NOP53: variants seen among roughly 807,000 people sequenced by gnomAD.
NOP53 encodes the protein NOP53 ribosome biogenesis factor, also known as ribosome biogenesis protein NOP53.
In NOP53, 40 loss-of-function variants were observed where a neutral mutation model predicts 61.0. The ratio of observed to expected loss-of-function variants is 0.66; its 90% CI spans 0.51 to 0.85. The LOEUF is 0.85. Among genes scored for constraint, NOP53 ranks in the 40% least tolerant of loss-of-function variants. The pLI is 0.00. For synonymous variants in NOP53, 308 were observed against 289.5 expected, an observed-to-expected ratio of 1.06 and a Z score of -0.65; for missense variants, 689 against 652.9, an observed-to-expected ratio of 1.06 and a Z score of -0.60.
chr19:47,756,910 A>G (rs1967208564), intron 12 of NOP53, 89 bp from the exon 13 acceptor site: 1 of 1,580,238 alleles, frequency 6.3e-7, no homozygotes, highest in Non-Finnish European at 8.7e-7. Flanking sequence ...AGGGTCCCCA[A>G]AGGGAAACTG....
Position 47,756,722 on chromosome 19 carries a change from A to G in NOP53, c.1408A>G (p.Lys470Glu). 6.2e-7 allele frequency: 1 copy of G among 1,613,560 alleles called. No homozygotes were observed. The highest frequency in any genetic ancestry group is 8.5e-7 in the Non-Finnish European group (1 of 1,179,974). Reference protein sequence around the residue: ...KRKYKVKLVEKRAFREIQL With the variant: ...KRKYKVKLVEERAFREIQL ...CAAGTACAAGGTGAAGCTGGTGGAG[A>G]AGCGGGCGTTCCGTGAGATCCAGTG... Residue 470 changes from lysine (K) to glutamate (E), a missense_variant, in exon 12 of 13, where the codon AAG (lysine) becomes GAG (glutamate). Transcript: ENST00000246802.
At chr19:47,749,483 T>G (rs1967099840) in intron 2 of NOP53, among the ~76,000 whole-genome samples, 1 of 152,166 alleles carries the variant, frequency 6.6e-6, no homozygotes, top group African/African-American at 2.4e-5. Flanking sequence ...ATCCTCATTT[T>G]GGGGGCACGG....
At chr19:47,750,149 C>A in intron 2 of NOP53, 29 bp from the exon 3 acceptor site, 1 of 1,412,328 alleles carries the variant, frequency 7.1e-7, no homozygotes, top group Non-Finnish European at 1.0e-6. Context: ...AGGGCTGAGG[C>A]CTTGACTTGT....
At position 47,754,148 on chromosome 19, in the gene NOP53, A is replaced by C. The variant is rs534051690; in HGVS notation, c.766-379A>C. The stretch of plus-strand genomic sequence containing the variant: ...CAGAATTAGCCGGGTATGGTGGCAC[A>C]TGCCTGTAATAGTAGCTACTCGGGA... On this transcript the variant is annotated intron_variant, in intron 6 of 12. Transcript: ENST00000246802. The surrounding 1 kb of genome is among the most constrained non-coding windows in gnomAD (Gnocchi z 4.2). 2 of 191,514 alleles carry C rather than the reference A, an allele frequency of 1.0e-5. No homozygotes were observed. Among genetic ancestry groups the C allele is most frequent in the East Asian group, 2.7e-4 (2 of 7,534 alleles). The allele number at this position is 191,514 out of a possible 1,614,324, so 11.9% of individuals were successfully genotyped here.
chr19:47,756,668 C>T lies in NOP53; in HGVS notation c.1374-20C>T. 3 of 1,613,918 alleles carry T rather than the reference C, an allele frequency of 1.9e-6. No homozygotes were observed. Among genetic ancestry groups the T allele is most frequent in the Non-Finnish European group, 2.5e-6 (3 of 1,179,922 alleles). ...TGGGATTGGCCCCGGGCACTGATTG[C>T]TCCATTGTCCCTGCTCCAGGTTCAA... On this transcript the variant is annotated intron_variant, in intron 11 of 12. Coordinates refer to ENST00000246802, the MANE Select transcript of NOP53 (RefSeq NM_015710.5).
At position 47,745,570 on chromosome 19, in the gene NOP53, G is replaced by C. The variant is rs774393641; in HGVS notation, c.11G>C (p.Gly4Ala). Residue 4 changes from glycine to alanine, a missense_variant, in exon 1 of 13, where the codon GGA (glycine) becomes GCA (alanine). Transcript: ENST00000246802. Reference sequence around the variant, plus strand: ...TCTTCCTTTGACAAGATGGCGGCAGGAGGCAGTGGCGTTGGTGGGAAGCGC... The same window carrying C: ...TCTTCCTTTGACAAGATGGCGGCAGCAGGCAGTGGCGTTGGTGGGAAGCGC... Reference protein sequence around the residue: MAAGGSGVGGKRSS... With the variant: MAAAGSGVGGKRSS... The C allele has an allele frequency of 8.7e-6, 14 of 1,613,568 alleles. No individual in the cohort carries two copies. The highest frequency in any genetic ancestry group is 3.3e-5 in the Admixed American group (2 of 59,986).
chr19:47,745,618 C>A lies in NOP53; in HGVS notation c.59C>A (p.Ser20Tyr). Residue 20 changes from serine (S) to tyrosine (Y), a missense_variant, in exon 1 of 13, where the codon TCT (serine) becomes TAT (tyrosine). By Grantham distance (144) the Ser-to-Tyr change is moderately radical (BLOSUM62 -2). Transcript: ENST00000246802. ...GKRSSKSDADSGFLGLRPTSV... is the reference protein window; with the variant it reads ...GKRSSKSDADYGFLGLRPTSV... ...CGCAGCTCGAAAAGCGATGCCGATT[C>A]TGGTTTCCTGGGGCTGCGGCCCACT... 6.2e-7 allele frequency: 1 copy of A among 1,614,048 alleles called. No individual in the cohort carries two copies. The highest frequency in any genetic ancestry group is 8.5e-7 in the Non-Finnish European group (1 of 1,180,002).
chr19:47,754,654 C>T lies in NOP53; in HGVS notation c.870+23C>T, dbSNP rs994279164. ...CAGGTGAGCCCCGCACCTGCCCACT[C>T]CCTCCCCTCCCCGGGCCTCCTACCC... is the stretch of plus-strand genomic sequence containing the variant. On this transcript the variant is annotated intron_variant, in intron 7 of 12. Coordinates refer to ENST00000246802, the MANE Select transcript of NOP53 (RefSeq NM_015710.5). This position sits in a 1 kb window ranked among gnomAD's most constrained non-coding sequence, Gnocchi z 4.2. 6.5e-7 allele frequency: 1 copy of T among 1,543,108 alleles called. No individual in the cohort carries two copies.
At chr19:47,747,860 A>AACCTCC (rs1967083180) in intron 2 of NOP53, among the ~76,000 whole-genome samples, 1 of 108,284 alleles carries the variant, frequency 9.2e-6, no homozygotes, top group Admixed American at 1.3e-4. Flanking sequence ...AGCTCACCGC[A>AACCTCC]ACCTCCACCT....
At position 47,754,987 on chromosome 19, in the gene NOP53, C is replaced by T. The variant is rs1967172124; in HGVS notation, c.1053+96C>T. On this transcript the variant is annotated intron_variant, in intron 8 of 12. Transcript: ENST00000246802. The surrounding 1 kb of genome is among the most constrained non-coding windows in gnomAD (Gnocchi z 4.2). Reference sequence around the variant, plus strand: ...TGCCCTGGGTGCTGCGGGCAGCCTGCACACCCCAAGCCCCGCATGTGGCCT... The same window carrying T: ...TGCCCTGGGTGCTGCGGGCAGCCTGTACACCCCAAGCCCCGCATGTGGCCT... 8.6e-7 allele frequency: 1 copy of T among 1,166,010 alleles called. No individual in the cohort carries two copies. The highest frequency in any genetic ancestry group is 1.2e-6 in the Non-Finnish European group (1 of 858,196). 72.2% of individuals were successfully genotyped at this position (1,166,010 alleles called of 1,614,324 possible). A position where few individuals can be genotyped will look rare whatever the true frequency, so the allele number is the denominator to read the frequency against.
chr19:47,754,805 G>C lies in NOP53; in HGVS notation c.967G>C (p.Glu323Gln), dbSNP rs898400959. Residue 323 changes from glutamate (E) to glutamine (Q), a missense_variant, in exon 8 of 13, where the codon GAG (glutamate) becomes CAG (glutamine). Coordinates refer to ENST00000246802, the MANE Select transcript of NOP53 (RefSeq NM_015710.5). The surrounding 1 kb of genome is among the most constrained non-coding windows in gnomAD (Gnocchi z 4.2). The part of the protein sequence containing the change: ...QGEGPEAGDA[E>Q]VCPTPARLAT... ...CGAGGGGCCGGAGGCTGGGGATGCC[G>C]AGGTCTGTCCCACGCCCGCCCGCCT... 1 of 1,535,184 alleles carries C rather than the reference G, an allele frequency of 6.5e-7. No individual in the cohort carries two copies. Among genetic ancestry groups the C allele is most frequent in the Non-Finnish European group, 8.7e-7 (1 of 1,144,520 alleles).
Position 47,749,776 on chromosome 19 carries a change from T to C in NOP53, c.290-402T>C, listed in dbSNP as rs573994510. ...TTTTTTTTCCCCCTGAGATGAGATCTCACTATGTTGCTCAGGCTGGCATCA... is the reference window on the plus strand; with the variant it reads ...TTTTTTTTCCCCCTGAGATGAGATCCCACTATGTTGCTCAGGCTGGCATCA... On this transcript the variant is annotated intron_variant, in intron 2 of 12. Coordinates refer to ENST00000246802, the MANE Select transcript of NOP53 (RefSeq NM_015710.5). 9.2e-5 allele frequency among the ~76,000 whole-genome samples: 14 copies of C among 152,016 alleles called. No homozygotes were observed. The East Asian group carries it at 1.7e-3, about 19-fold the overall frequency.
rs1331447925 is a variant in NOP53 at position 47,745,673 on chromosome 19, G to A, written c.114G>A (p.Arg38=). 1.2e-6 allele frequency: 2 copies of A among 1,613,322 alleles called. No homozygotes were observed. The highest frequency in any genetic ancestry group is 2.7e-5 in the African/African-American group (2 of 74,904). ...TSVDPALRRR[R]RGPRNKKRGW... Reference sequence around the variant, plus strand: ...TGGACCCAGCGCTGAGGCGGCGGCGGCGAGGCCCAAGAAATAAGAAGCGGG... The same window carrying A: ...TGGACCCAGCGCTGAGGCGGCGGCGACGAGGCCCAAGAAATAAGAAGCGGG... The change falls in exon 1 of 13, where the codon CGG becomes CGA. Residue 38 remains arginine (R), a synonymous_variant. Transcript: ENST00000246802.
At chr19:47,746,908 G>A (rs1967071445) in intron 1 of NOP53, 59 bp from the exon 2 acceptor site, 1 of 1,428,528 alleles carries the variant, frequency 7.0e-7, no homozygotes, top group African/African-American at 1.4e-5. Context: ...GGACCTGCCA[G>A]GTTAAATCTC....
In NOP53 at chr19:47,754,226, G is replaced by A. The variant is rs1366862376; in HGVS notation, c.766-301G>A. The A allele has an allele frequency of 2.9e-6, 1 of 348,898 alleles. No individual in the cohort carries two copies. Among genetic ancestry groups the A allele is most frequent in the African/African-American group, 2.1e-5 (1 of 47,730 alleles). 21.6% of individuals were successfully genotyped at this position (348,898 alleles called of 1,614,324 possible). On this transcript the variant is annotated intron_variant, in intron 6 of 12. Transcript: ENST00000246802. This position sits in a 1 kb window ranked among gnomAD's most constrained non-coding sequence, Gnocchi z 4.2. Reference sequence around the variant, plus strand: ...CAGGAGGCGGGGGTTGTGGTGAGCTGAGATCACACCATTGCACTCCAGTCT... The same window carrying A: ...CAGGAGGCGGGGGTTGTGGTGAGCTAAGATCACACCATTGCACTCCAGTCT...
At chr19:47,755,168 A>C (rs547917431) in intron 8 of NOP53, among the ~76,000 whole-genome samples, 180 bp from the exon 9 acceptor site, 218 of 152,210 alleles carry the variant, frequency 1.4e-3, no homozygotes, top group African/African-American at 5.1e-3. Context: ...GAGATGGATG[A>C]CAAAAGGGGC....
Position 47,754,249 on chromosome 19 carries a change from T to G in NOP53, c.766-278T>G. On this transcript the variant is annotated intron_variant, in intron 6 of 12. Coordinates refer to ENST00000246802, the MANE Select transcript of NOP53 (RefSeq NM_015710.5). The surrounding 1 kb of genome is among the most constrained non-coding windows in gnomAD (Gnocchi z 4.2). ...CTGAGATCACACCATTGCACTCCAG[T>G]CTGGGCAACAAGACAGAAACTCTAT... The G allele has an allele frequency of 2.4e-6, 1 of 424,120 alleles. No homozygotes were observed. The highest frequency in any genetic ancestry group is 4.3e-6 in the Non-Finnish European group (1 of 232,838). The allele number at this position is 424,120 out of a possible 1,614,324, so 26.3% of individuals were successfully genotyped here.
In NOP53 at chr19:47,750,932, C is replaced by T. The variant is rs376586593; in HGVS notation, c.423C>T (p.Asn141=). Residue 141 remains asparagine (N), a synonymous_variant, in exon 4 of 13, where the codon AAC becomes AAT. Coordinates refer to ENST00000246802, the MANE Select transcript of NOP53 (RefSeq NM_015710.5). Reference sequence around the variant, plus strand: ...GCGTCCTCGCCCACCAGGTCCCCAACGCCAAGAAGCTCAGGCGGAAGGAGC... The same window carrying T: ...GCGTCCTCGCCCACCAGGTCCCCAATGCCAAGAAGCTCAGGCGGAAGGAGC... ...PKDVLAHQVP[N]AKKLRRKEQL... is the part of the protein sequence containing the mutation. 127 of 1,595,210 alleles carry T rather than the reference C, an allele frequency of 8.0e-5. No individual in the cohort carries two copies. Among genetic ancestry groups the T allele is most frequent in the Admixed American group, 3.4e-4 (19 of 56,594 alleles).
chr19:47,745,568 A>G lies in NOP53; in HGVS notation c.9A>G (p.Ala3=), dbSNP rs1314859783. The G allele has an allele frequency of 1.2e-6, 2 of 1,613,614 alleles. No homozygotes were observed. Among genetic ancestry groups the G allele is most frequent in the Admixed American group, 1.7e-5 (1 of 60,000 alleles). Reference sequence around the variant, plus strand: ...GTTCTTCCTTTGACAAGATGGCGGCAGGAGGCAGTGGCGTTGGTGGGAAGC... The same window carrying G: ...GTTCTTCCTTTGACAAGATGGCGGCGGGAGGCAGTGGCGTTGGTGGGAAGC... MA[A]GGSGVGGKRS... The change falls in exon 1 of 13, where the codon GCA becomes GCG. Residue 3 remains alanine, a synonymous_variant. Coordinates refer to ENST00000246802, the MANE Select transcript of NOP53 (RefSeq NM_015710.5).
Sources: gnomAD v4.1 joint callset for allele counts (sites outside exome capture counted in the v4.1 genomes callset) on GRCh38, gnomAD v4.1.1 for gene constraint, Gnocchi (gnomAD v3.1) non-coding constraint, MANE v1.5 for transcripts, NCBI Gene and HGNC (gene_info 2026-07-23, HGNC 2026-07-21) for gene names.